ARHGAP20: variants seen among roughly 807,000 people sequenced by gnomAD.
ARHGAP20 encodes rho GTPase-activating protein 20.
In ARHGAP20, 34 loss-of-function variants were observed where a neutral mutation model predicts 73.7. The observed-to-expected ratio is 0.46, with a 90% CI of 0.35 to 0.61. ARHGAP20 has a LOEUF of 0.61. Ranked by LOEUF, ARHGAP20 falls within the 20% of genes least tolerant of loss-of-function variation. The pLI is 0.00. For synonymous variants in ARHGAP20, 523 were observed against 518.2 expected (o/e 1.01, Z -0.13); for missense variants, 1,314 against 1,420.9 (o/e 0.92, Z 1.21).
chr11:110,592,896 A>C (rs1050844588), intron 9 of ARHGAP20, among the ~76,000 whole-genome samples: 2 of 152,232 alleles, frequency 1.3e-5, no homozygotes, highest in African/African-American at 4.8e-5. Flanking sequence ...GCATGGATGG[A>C]CACAAACATG....
chr11:110,712,599 C>G (rs1950695453), upstream of ARHGAP20: 1 of 152,528 alleles, frequency 6.6e-6, no homozygotes, highest in Non-Finnish European at 1.5e-5. Context: ...TGGCGGGCGT[C>G]TCTCTATATA....
intron 2 of ARHGAP20, among the ~76,000 whole-genome samples, chr11:110,637,881 C>G (rs1201704930): frequency 1.3e-5 from 2 of 152,020 alleles, no homozygotes; most frequent in African/African-American, 4.8e-5. Context: ...GAAGGAACAG[C>G]ATGTCAAATA....
chr11:110,621,273 T>C (rs988360046), intron 4 of ARHGAP20, among the ~76,000 whole-genome samples: 1 of 152,142 alleles, frequency 6.6e-6, no homozygotes, highest in Non-Finnish European at 1.5e-5. Flanking sequence ...ATAGTCACAC[T>C]GTCTAGGGTT....
At chr11:110,703,538 T>C (rs1171571470) in intron 1 of ARHGAP20, among the ~76,000 whole-genome samples, 1 of 151,976 alleles carries the variant, frequency 6.6e-6, no homozygotes, top group Non-Finnish European at 1.5e-5. Flanking sequence ...TATTCATTCA[T>C]ATATATGGAT....
chr11:110,607,277 CAGTT>C (rs1948256488), intron 8 of ARHGAP20, among the ~76,000 whole-genome samples: 2 of 152,140 alleles, frequency 1.3e-5, no homozygotes, highest in African/African-American at 4.8e-5. Context: ...ATTAGTTACA[CAGTT>C]AGTTACTCAA....
chr11:110,654,144 T>C (rs761643431), intron 2 of ARHGAP20, among the ~76,000 whole-genome samples: 4 of 152,134 alleles, frequency 2.6e-5, no homozygotes, highest in Non-Finnish European at 5.9e-5. Context: ...CAAATCACCA[T>C]GGCACACATT....
chr11:110,630,075 T>C (rs1334264263), intron 3 of ARHGAP20, among the ~76,000 whole-genome samples: 2 of 152,248 alleles, frequency 1.3e-5, no homozygotes, highest in South Asian at 2.1e-4. Flanking sequence ...TGGCTTGTTA[T>C]GCTCCAGTTA....
chr11:110,688,332 G>A (rs1255021524), intron 2 of ARHGAP20, among the ~76,000 whole-genome samples: 1 of 151,084 alleles, frequency 6.6e-6, no homozygotes, highest in Non-Finnish European at 1.5e-5. Flanking sequence ...GTACCTGCAT[G>A]TATACTTATT....
intron 1 of ARHGAP20, among the ~76,000 whole-genome samples, chr11:110,705,200 G>T (rs1950531148): frequency 6.6e-6 from 1 of 152,136 alleles, no homozygotes; most frequent in East Asian, 1.9e-4. Context: ...GGATGGAAAG[G>T]TAAGAACTGT....
chr11:110,637,740 A>G (rs1379933412), intron 2 of ARHGAP20, among the ~76,000 whole-genome samples: 1 of 152,100 alleles, frequency 6.6e-6, no homozygotes, highest in Non-Finnish European at 1.5e-5. Context: ...AAAGAAATAC[A>G]GAGTGCAGGA....
At chr11:110,582,456 G>A (rs750952798) in intron 13 of ARHGAP20, 21 bp from the exon 14 acceptor site, 44 of 1,440,630 alleles carry the variant, frequency 3.1e-5, no homozygotes, top group Non-Finnish European at 4.1e-5. Context: ...AAGGACAAAC[G>A]AAGTATTACT....
At chr11:110,682,961 T>G (rs1190286152) in intron 2 of ARHGAP20, among the ~76,000 whole-genome samples, 2 of 151,646 alleles carry the variant, frequency 1.3e-5, no homozygotes, top group East Asian at 3.9e-4. Context: ...ACCACAATTC[T>G]TCCCTGGTGT....
chr11:110,697,101 A>G (rs974837247), intron 1 of ARHGAP20, among the ~76,000 whole-genome samples: 1 of 151,672 alleles, frequency 6.6e-6, no homozygotes, highest in Admixed American at 6.6e-5. Flanking sequence ...CTTTGTGTAG[A>G]TACCCAGTAG....
In ARHGAP20 at chr11:110,647,816, C is replaced by T. The variant is rs149749988; in HGVS notation, c.189-17024G>A. 4.9e-3 allele frequency among the ~76,000 whole-genome samples: 751 copies of T among 152,044 alleles called. 3 individuals carry two copies. The highest frequency in any genetic ancestry group is 0.021 in the South Asian group (102 of 4,810). ...AAGTTAATAGAACATAAAATCTATT[C>T]ATAACTAGAATAGGCATTCTCTCAT... On this transcript the variant is annotated intron_variant, in intron 2 of 14. Coordinates refer to ENST00000683387, the MANE Select transcript of ARHGAP20 (RefSeq NM_001384657.1).
Position 110,606,576 on chromosome 11 carries a change from C to G in ARHGAP20, c.949G>C (p.Ala317Pro), listed in dbSNP as rs769722872. The change falls in exon 9 of 15, where the codon GCC (alanine) becomes CCC (proline). Residue 317 changes from alanine to proline, a missense_variant. Transcript: ENST00000683387. Reference sequence around the variant, plus strand: ...AGCAACTCACCACTCAGTTGCTGGGCTGCAGCCAGGCGGCTGGGCTTCAGG... The same window carrying G: ...AGCAACTCACCACTCAGTTGCTGGGGTGCAGCCAGGCGGCTGGGCTTCAGG... Reference protein sequence around the residue: ...FILKPSRLAAAQQLSDSGHKT... With the variant: ...FILKPSRLAAPQQLSDSGHKT... 1.2e-5 allele frequency: 20 copies of G among 1,609,956 alleles called. No homozygotes were observed. The highest frequency in any genetic ancestry group is 1.7e-5 in the Non-Finnish European group (20 of 1,178,680).
Position 110,712,164 on chromosome 11 carries a change from C to A in ARHGAP20, c.68G>T (p.Gly23Val). The change falls in exon 1 of 15, where the codon GGA becomes GTA. Residue 23 changes from glycine to valine, a missense_variant. By Grantham distance (109) the Gly-to-Val change is moderately radical. Around this residue, in one of 3 missense-constraint regions of ARHGAP20, gnomAD observed 443 missense variants for 466.4 expected, o/e 0.95. Transcript: ENST00000683387. ...GQPGRSSSLT[G>V]VSRLAGGSCT... ...GCTGCCTCCCGCGAGCCGAGACACT[C>A]CTGTCAGGGAAGAGGAGCGCCCCGG... The A allele has an allele frequency of 1.5e-6, 2 of 1,370,936 alleles. No individual in the cohort carries two copies. The highest frequency in any genetic ancestry group is 2.9e-5 in the Admixed American group (1 of 34,414). The allele number at this position is 1,370,936 out of a possible 1,614,324, so 84.9% of individuals were successfully genotyped here. A position where few individuals can be genotyped will look rare whatever the true frequency, so the allele number is the denominator to read the frequency against.
intron 2 of ARHGAP20, among the ~76,000 whole-genome samples, chr11:110,662,502 T>C (rs1949637236): frequency 6.6e-6 from 1 of 151,914 alleles, no homozygotes. Flanking sequence ...TCTTAAACAA[T>C]TTCCAGGAAT....
chr11:110,701,213 G>A (rs1950444668), intron 1 of ARHGAP20, among the ~76,000 whole-genome samples: 1 of 151,460 alleles, frequency 6.6e-6, no homozygotes, highest in Non-Finnish European at 1.5e-5. Context: ...CAGTGTAAAA[G>A]TGTTCCTATT....
intron 2 of ARHGAP20, among the ~76,000 whole-genome samples, chr11:110,634,427 T>G (rs1039732526): frequency 6.6e-6 from 1 of 152,080 alleles, no homozygotes; most frequent in Non-Finnish European, 1.5e-5. Context: ...CTATTTAGGG[T>G]AGCCAAAATA....
Sources: allele counts gnomAD v4.1 joint callset (sites outside exome capture counted in the v4.1 genomes callset), GRCh38; gene constraint gnomAD v4.1.1; regional missense constraint gnomAD v4.1.1; transcripts MANE v1.5; gene names NCBI Gene and HGNC (gene_info 2026-07-23, HGNC 2026-07-21).